The following SLC44A5 variants were observed in gnomAD, a reference collection of about 807,000 sequenced individuals.
SLC44A5 encodes the protein choline transporter-like protein 5.
Under a neutral mutation model 101.8 loss-of-function variants are expected in SLC44A5, and 57 were observed. The ratio of observed to expected loss-of-function variants is 0.56; its 90% confidence interval spans 0.45 to 0.70. SLC44A5 has a LOEUF of 0.70. SLC44A5 is among the 30% of genes least tolerant of loss of function. The probability of loss-of-function intolerance (pLI) is 0.00; values close to 1 mark genes in which losing one functional copy is unlikely to be tolerated. For synonymous variants in SLC44A5, 281 were observed against 290.9 expected (o/e 0.97, Z 0.35); for missense variants, 737 against 853.1 (o/e 0.86, Z 1.70).
the SLC44A5 span, chr1:75,642,223 A>G: frequency 1.8e-6 from 1 of 546,444 alleles, no homozygotes; most frequent in Non-Finnish European, 3.2e-6. Flanking sequence ...CTGCTTATAC[A>G]ATCACTTGAT....
At chr1:75,652,065 T>C in the SLC44A5 span, among the ~76,000 whole-genome samples, 1 of 152,128 alleles carries the variant, frequency 6.6e-6, no homozygotes, top group African/African-American at 2.4e-5. Context: ...GTTTAACTGG[T>C]AGATAACCTT....
intron 5 of SLC44A5, among the ~76,000 whole-genome samples, chr1:75,300,257 C>T (rs1412921573): frequency 6.6e-6 from 1 of 151,850 alleles, no homozygotes; most frequent in East Asian, 1.9e-4. Flanking sequence ...TTTAGTATTA[C>T]CTAAAAAGAT....
chr1:75,292,253 C>T (rs1389022602), intron 5 of SLC44A5, among the ~76,000 whole-genome samples: 4 of 152,048 alleles, frequency 2.6e-5, no homozygotes, highest in East Asian at 1.9e-4. Flanking sequence ...TCTTTACTTG[C>T]TTAACTGTGC....
chr1:75,687,694 C>T, the SLC44A5 span, among the ~76,000 whole-genome samples: 1 of 152,114 alleles, frequency 6.6e-6, no homozygotes, highest in Admixed American at 6.5e-5. Flanking sequence ...TGAATTTCTC[C>T]CCAGGACACT....
chr1:75,535,346 C>G (rs1342694741), intron 2 of SLC44A5, among the ~76,000 whole-genome samples: 1 of 152,136 alleles, frequency 6.6e-6, no homozygotes, highest in Admixed American at 6.5e-5. Context: ...ACCCTGCCAC[C>G]ACCCTGGGAG....
the SLC44A5 span, among the ~76,000 whole-genome samples, chr1:75,669,093 C>T: frequency 6.6e-6 from 1 of 151,598 alleles, no homozygotes; most frequent in African/African-American, 2.4e-5. Flanking sequence ...TTCAATTAAA[C>T]TTCCTATTCA....
chr1:75,435,888 C>G (rs1050117648), intron 2 of SLC44A5, among the ~76,000 whole-genome samples: 3 of 152,036 alleles, frequency 2.0e-5, no homozygotes, highest in Non-Finnish European at 4.4e-5. Flanking sequence ...CATATACACA[C>G]ACATACACAT....
intron 7 of SLC44A5, among the ~76,000 whole-genome samples, chr1:75,247,640 C>T (rs1161565129): frequency 6.6e-6 from 1 of 151,954 alleles, no homozygotes; most frequent in Non-Finnish European, 1.5e-5. Context: ...GATAACTCAT[C>T]AAAGGAGACT....
At chr1:75,364,709 A>G (rs1397647098) in intron 3 of SLC44A5, among the ~76,000 whole-genome samples, 1 of 152,112 alleles carries the variant, frequency 6.6e-6, no homozygotes, top group East Asian at 1.9e-4. Flanking sequence ...CTAAACACCT[A>G]CTACGCAAAG....
intron 11 of SLC44A5, among the ~76,000 whole-genome samples, chr1:75,236,487 T>C (rs11162870): frequency 0.28 from 42,836 of 151,902 alleles, 6,351 homozygotes; most frequent in Middle Eastern, 0.36. Context: ...GTATCGCATA[T>C]GTAGCTATGT....
At chr1:75,572,549 C>T (rs1463268431) in intron 1 of SLC44A5, among the ~76,000 whole-genome samples, 1 of 152,090 alleles carries the variant, frequency 6.6e-6, no homozygotes, top group Non-Finnish European at 1.5e-5. Flanking sequence ...TTTATCTTGT[C>T]ATTTTAGAGG....
intron 2 of SLC44A5, among the ~76,000 whole-genome samples, chr1:75,478,578 C>CA (rs1374698351): frequency 2.0e-5 from 3 of 151,102 alleles, no homozygotes; most frequent in Non-Finnish European, 4.4e-5. Context: ...AAATGGAAAA[C>CA]AAAAAAAGGC....
chr1:75,539,134 G>T (rs1239311760), intron 2 of SLC44A5, among the ~76,000 whole-genome samples: 1 of 152,062 alleles, frequency 6.6e-6, no homozygotes, highest in African/African-American at 2.4e-5. Flanking sequence ...TAGTCACATT[G>T]TTATTATTAT....
the SLC44A5 span, among the ~76,000 whole-genome samples, chr1:75,696,773 G>T: frequency 6.6e-6 from 1 of 152,062 alleles, no homozygotes; most frequent in African/African-American, 2.4e-5. Flanking sequence ...CGTGGTTGTG[G>T]ATGCCTATAG....
intron 1 of SLC44A5, among the ~76,000 whole-genome samples, chr1:75,543,536 A>T (rs2101958549): frequency 6.6e-6 from 1 of 150,816 alleles, no homozygotes; most frequent in East Asian, 1.9e-4. Flanking sequence ...TCGATATTAA[A>T]TTATCATCGC....
chr1:75,339,750 A>G, intron 3 of SLC44A5, 120 bp from the exon 4 acceptor site: 2 of 781,458 alleles, frequency 2.6e-6, no homozygotes, highest in South Asian at 2.5e-5. Context: ...ATGAATTCAT[A>G]CTTTGGTTTG....
chr1:75,598,381 C>T (rs981412158), intron 1 of SLC44A5, among the ~76,000 whole-genome samples: 1 of 152,106 alleles, frequency 6.6e-6, no homozygotes, highest in African/African-American at 2.4e-5. Flanking sequence ...CCTCAAAGAG[C>T]TAAAAAGAGA....
At chr1:75,698,752 T>C in the SLC44A5 span, among the ~76,000 whole-genome samples, 1 of 152,182 alleles carries the variant, frequency 6.6e-6, no homozygotes, top group African/African-American at 2.4e-5. Context: ...TTGAAAACTT[T>C]GAAAAAAATT....
chr1:75,548,946 G>A (rs1015697629), intron 1 of SLC44A5, among the ~76,000 whole-genome samples: 1 of 152,074 alleles, frequency 6.6e-6, no homozygotes, highest in African/African-American at 2.4e-5. Context: ...ACAATTTAGG[G>A]TTTGTCAAGT....
Sources: gnomAD v4.1 joint callset for allele counts (sites outside exome capture counted in the v4.1 genomes callset) on GRCh38, gnomAD v4.1.1 for gene constraint, MANE v1.5 for transcripts, NCBI Gene and HGNC (gene_info 2026-07-23, HGNC 2026-07-21) for gene names.